PLGRKT: variants seen among roughly 807,000 people sequenced by gnomAD.
PLGRKT encodes the protein plasminogen receptor (KT).
A neutral mutation model predicts 18.5 loss-of-function variants in PLGRKT; 22 were observed. That is an observed-to-expected ratio of 1.19 (90% CI 0.85 to 1.70). The LOEUF (loss-of-function observed/expected upper bound fraction) is 1.70, where lower values mean the gene tolerates loss of function less well. PLGRKT is among the 40% of genes most tolerant of loss of function. The pLI, the probability that PLGRKT is intolerant of heterozygous loss-of-function variation, is 0.00. For missense variants in PLGRKT, 235 were observed against 174.4 expected (o/e 1.35, Z -1.96); for synonymous variants, 72 against 52.8 (o/e 1.36, Z -1.58).
At chr9:5,377,768 G>C (rs745984475) in intron 3 of PLGRKT, among the ~76,000 whole-genome samples, 1 of 152,140 alleles carries the variant, frequency 6.6e-6, no homozygotes, top group Non-Finnish European at 1.5e-5. Flanking sequence ...TACACACAGA[G>C]GTGGCAGTGT....
At chr9:5,408,973 T>A (rs906076458) in intron 3 of PLGRKT, among the ~76,000 whole-genome samples, 3 of 152,262 alleles carry the variant, frequency 2.0e-5, no homozygotes, top group African/African-American at 7.2e-5. Context: ...CCTGTGAGTA[T>A]GCAGCGGATA....
intron 3 of PLGRKT, among the ~76,000 whole-genome samples, chr9:5,367,067 A>ACAC (rs1286566339): frequency 8.6e-5 from 12 of 138,846 alleles, no homozygotes; most frequent in African/African-American, 3.1e-4. Flanking sequence ...ACACACACAC[A>ACAC]CCCCTAGGAA....
chr9:5,382,164 C>A, intron 3 of PLGRKT: 3 of 289,478 alleles, frequency 1.0e-5, no homozygotes, highest in Non-Finnish European at 1.5e-5. Context: ...CACTTGCCAT[C>A]CATTCATGGA....
intron 3 of PLGRKT, among the ~76,000 whole-genome samples, chr9:5,425,510 C>G (rs946195431): frequency 6.6e-6 from 1 of 152,134 alleles, no homozygotes; most frequent in African/African-American, 2.4e-5. Flanking sequence ...TAATTGAAAA[C>G]TTGCTTGGTT....
chr9:5,437,173 G>A, intron 1 of PLGRKT, among the ~76,000 whole-genome samples: 1 of 152,138 alleles, frequency 6.6e-6, no homozygotes, highest in East Asian at 1.9e-4. Context: ...TTCTGGGGAG[G>A]AGAAGTGGTG....
At chr9:5,384,660 C>T (rs1446662025) in intron 3 of PLGRKT, among the ~76,000 whole-genome samples, 6 of 151,874 alleles carry the variant, frequency 4.0e-5, no homozygotes, top group Non-Finnish European at 7.4e-5. Flanking sequence ...GAAGAATGAC[C>T]ATGTAAACAT....
chr9:5,361,057 T>C (rs973984872), intron 5 of PLGRKT, 21 bp downstream of exon 5: 2 of 1,178,256 alleles, frequency 1.7e-6, no homozygotes, highest in Non-Finnish European at 2.5e-6. Context: ...AAATAGAAAC[T>C]CTAGTTTACC....
chr9:5,430,963 A>C (rs555098621), intron 3 of PLGRKT, among the ~76,000 whole-genome samples: 75 of 152,354 alleles, frequency 4.9e-4, no homozygotes, highest in Non-Finnish European at 9.3e-4. Context: ...TTCACACTCC[A>C]TGTTAGTTTC....
intron 3 of PLGRKT, among the ~76,000 whole-genome samples, chr9:5,422,652 A>C (rs930566917): frequency 3.3e-5 from 5 of 152,246 alleles, no homozygotes; most frequent in African/African-American, 1.2e-4. Flanking sequence ...ATTAGGTTGC[A>C]TATGATAGGA....
At chr9:5,403,316 C>G (rs1021571528) in intron 3 of PLGRKT, among the ~76,000 whole-genome samples, 5 of 150,616 alleles carry the variant, frequency 3.3e-5, no homozygotes, top group African/African-American at 1.2e-4. Flanking sequence ...CTCTGCCTCC[C>G]GGGTTCAAGT....
intron 3 of PLGRKT, among the ~76,000 whole-genome samples, chr9:5,410,823 C>G (rs1329261954): frequency 6.6e-6 from 1 of 152,046 alleles, no homozygotes; most frequent in Non-Finnish European, 1.5e-5. Context: ...TAAGCGTTTA[C>G]AAATGAACAA....
intron 3 of PLGRKT, among the ~76,000 whole-genome samples, chr9:5,385,433 T>C (rs1817824239): frequency 6.6e-6 from 1 of 151,062 alleles, no homozygotes; most frequent in Admixed American, 6.6e-5. Flanking sequence ...CCTGACCTCA[T>C]GATCCTCCTG....
At chr9:5,395,327 C>T (rs191634787) in intron 3 of PLGRKT, among the ~76,000 whole-genome samples, 21 of 151,960 alleles carry the variant, frequency 1.4e-4, no homozygotes, top group Non-Finnish European at 2.8e-4. Context: ...ATCTTCTCTA[C>T]AGAATCATTA....
intron 3 of PLGRKT, among the ~76,000 whole-genome samples, chr9:5,426,196 G>T (rs1267418395): frequency 2.0e-5 from 3 of 152,172 alleles, no homozygotes; most frequent in African/African-American, 7.2e-5. Context: ...TCAATACATA[G>T]GGAGGAGAAC....
intron 3 of PLGRKT, among the ~76,000 whole-genome samples, chr9:5,379,441 TTA>T (rs1376558954): frequency 6.6e-6 from 1 of 152,172 alleles, no homozygotes; most frequent in Non-Finnish European, 1.5e-5. Context: ...AATTAACAAT[TTA>T]GTTTCTCAGA....
chr9:5,431,297 G>A (rs895960493), intron 3 of PLGRKT, among the ~76,000 whole-genome samples: 4 of 152,108 alleles, frequency 2.6e-5, no homozygotes, highest in Non-Finnish European at 5.9e-5. Context: ...AATTTGGGAG[G>A]CTGAGGCCAG....
intron 3 of PLGRKT, among the ~76,000 whole-genome samples, chr9:5,425,304 A>G (rs1460059047): frequency 6.6e-6 from 1 of 152,184 alleles, no homozygotes; most frequent in Non-Finnish European, 1.5e-5. Context: ...CCATCCTAAC[A>G]CAGGCTAGAA....
At chr9:5,429,957 C>T (rs142008871) in intron 3 of PLGRKT, among the ~76,000 whole-genome samples, 1 of 152,306 alleles carries the variant, frequency 6.6e-6, no homozygotes, top group East Asian at 1.9e-4. Flanking sequence ...CTCCCACCCT[C>T]TCCCCCTGCC....
intron 3 of PLGRKT, among the ~76,000 whole-genome samples, chr9:5,424,403 A>G (rs1434985486): frequency 1.5e-5 from 2 of 130,270 alleles, no homozygotes; most frequent in South Asian, 2.2e-4. Flanking sequence ...AACATAATAT[A>G]TTATATATTA....
Sources: gnomAD v4.1 joint callset for allele counts (sites outside exome capture counted in the v4.1 genomes callset) on GRCh38, gnomAD v4.1.1 for gene constraint, MANE v1.5 for transcripts, NCBI Gene and HGNC (gene_info 2026-07-23, HGNC 2026-07-21) for gene names.